NYAP2: variants seen among roughly 807,000 people sequenced by gnomAD.
The protein encoded by NYAP2 is neuronal tyrosine-phosphorylated phosphoinositide-3-kinase adapter 2.
A neutral mutation model predicts 50.4 loss-of-function variants in NYAP2; 23 were observed. The ratio of observed to expected loss-of-function variants is 0.46; its 90% confidence interval spans 0.33 to 0.65. The LOEUF is 0.65. Among genes scored for constraint, NYAP2 ranks in the 30% least tolerant of loss-of-function variants. NYAP2 has a pLI of 0.02. For missense variants in NYAP2, 885 were observed against 861.0 expected, an observed-to-expected ratio of 1.03 and a Z score of -0.35; for synonymous variants, 394 against 365.2, an observed-to-expected ratio of 1.08 and a Z score of -0.90.
intron 4 of NYAP2, among the ~76,000 whole-genome samples, chr2:225,546,397 G>A (rs1358825645): frequency 2.6e-5 from 4 of 152,036 alleles, no homozygotes; most frequent in Admixed American, 2.0e-4. Flanking sequence ...CTCAAACCAT[G>A]AGAGAATGTC....
chr2:225,616,332 C>G (rs1337273244), intron 5 of NYAP2, among the ~76,000 whole-genome samples: 1 of 152,100 alleles, frequency 6.6e-6, no homozygotes, highest in African/African-American at 2.4e-5. Flanking sequence ...AAAATATGCC[C>G]CCGCTCCTCC....
At chr2:225,488,951 C>T (rs1690352691) in intron 3 of NYAP2, among the ~76,000 whole-genome samples, 1 of 152,048 alleles carries the variant, frequency 6.6e-6, no homozygotes, top group Admixed American at 6.5e-5. Flanking sequence ...AGTGTGCCAC[C>T]CAGGTAAGGA....
intron 4 of NYAP2, among the ~76,000 whole-genome samples, chr2:225,552,561 C>T (rs2106210640): frequency 6.7e-6 from 1 of 148,632 alleles, no homozygotes; most frequent in African/African-American, 2.4e-5. Context: ...CTCTCTCTTT[C>T]TCTCTCTCTC....
chr2:225,568,972 G>T (rs531956621), intron 4 of NYAP2, among the ~76,000 whole-genome samples: 4 of 152,340 alleles, frequency 2.6e-5, no homozygotes, highest in African/African-American at 9.6e-5. Context: ...AATGTGCATA[G>T]CACAGGGGAA....
In NYAP2 at chr2:225,562,769, G is replaced by T. The variant is rs116155772; in HGVS notation, c.524-19172G>T. 6.9e-3 allele frequency among the ~76,000 whole-genome samples: 1,050 copies of T among 152,202 alleles called. 8 individuals are homozygous for T. The highest frequency in any genetic ancestry group is 0.024 in the African/African-American group (976 of 41,528). On this transcript the variant is annotated intron_variant, in intron 4 of 6. Coordinates refer to ENST00000636099, the Ensembl canonical transcript of NYAP2. Reference sequence around the variant, plus strand: ...CCTGTTAAGATTAACTTCCTCTCATGTTAGAGCTTTCTACTTGTGCGTTTC... The same window carrying T: ...CCTGTTAAGATTAACTTCCTCTCATTTTAGAGCTTTCTACTTGTGCGTTTC...
chr2:225,581,878 A>C (rs928019307), intron 4 of NYAP2, 63 bp from the exon 5 acceptor site: 2 of 1,480,502 alleles, frequency 1.4e-6, no homozygotes, highest in Non-Finnish European at 1.8e-6. Flanking sequence ...ACCCACATGC[A>C]AATCATTTTT....
chr2:225,573,606 C>A (rs1692114764), intron 4 of NYAP2, among the ~76,000 whole-genome samples: 1 of 152,092 alleles, frequency 6.6e-6, no homozygotes, highest in African/African-American at 2.4e-5. Flanking sequence ...TGGGTGGTTC[C>A]TCTGCTTTAT....
At chr2:225,414,510 C>T (rs779243070) in intron 3 of NYAP2, among the ~76,000 whole-genome samples, 5 of 152,058 alleles carry the variant, frequency 3.3e-5, no homozygotes, top group Non-Finnish European at 7.4e-5. Context: ...TGCAAAATCC[C>T]AGTTTATCAT....
At chr2:225,695,509 T>C in the NYAP2 span, among the ~76,000 whole-genome samples, 2 of 151,846 alleles carry the variant, frequency 1.3e-5, no homozygotes, top group Non-Finnish European at 2.9e-5. Flanking sequence ...TTCTATGATG[T>C]TGGCTTCTAT....
chr2:225,479,314 G>A (rs904688285), intron 3 of NYAP2, among the ~76,000 whole-genome samples: 1 of 152,096 alleles, frequency 6.6e-6, no homozygotes, highest in African/African-American at 2.4e-5. Flanking sequence ...AATCAGGTTA[G>A]TGACTCTTAA....
chr2:225,591,740 T>G (rs1692508996), intron 5 of NYAP2, among the ~76,000 whole-genome samples: 1 of 152,178 alleles, frequency 6.6e-6, no homozygotes, highest in Non-Finnish European at 1.5e-5. Context: ...TTCGATTTAA[T>G]GATACCTTAT....
chr2:225,509,719 T>C (rs2106183022), intron 3 of NYAP2, among the ~76,000 whole-genome samples: 1 of 150,770 alleles, frequency 6.6e-6, no homozygotes, highest in East Asian at 2.0e-4. Flanking sequence ...CTCTGTAGAG[T>C]CCAGAGTTAT....
chr2:225,609,102 A>G (rs192652594), intron 5 of NYAP2, among the ~76,000 whole-genome samples: 1 of 152,252 alleles, frequency 6.6e-6, no homozygotes, highest in African/African-American at 2.4e-5. Flanking sequence ...CAGTCCCTGT[A>G]AGATATGTCA....
chr2:225,626,818 A>G (rs1176505483), intron 5 of NYAP2, 99 bp from the exon 6 acceptor site: 3 of 898,728 alleles, frequency 3.3e-6, no homozygotes, highest in East Asian at 2.6e-5. Context: ...TTCCAACAAC[A>G]TATTGAGACA....
chr2:225,566,063 T>C (rs1691955152), intron 4 of NYAP2, among the ~76,000 whole-genome samples: 1 of 152,216 alleles, frequency 6.6e-6, no homozygotes, highest in Admixed American at 6.5e-5. Context: ...AACTATATTT[T>C]AATGTCTGTA....
At chr2:225,690,171 C>T in the NYAP2 span, among the ~76,000 whole-genome samples, 1 of 152,036 alleles carries the variant, frequency 6.6e-6, no homozygotes, top group Non-Finnish European at 1.5e-5. Flanking sequence ...CCTTTTTAAA[C>T]ATTTAGTGTA....
chr2:225,477,361 C>T (rs995440003), intron 3 of NYAP2, among the ~76,000 whole-genome samples: 5 of 151,518 alleles, frequency 3.3e-5, no homozygotes, highest in African/African-American at 4.9e-5. Flanking sequence ...CTCAGCCTCC[C>T]GAGTAGCTGG....
At chr2:225,457,579 T>G (rs185006025) in intron 3 of NYAP2, among the ~76,000 whole-genome samples, 11 of 152,312 alleles carry the variant, frequency 7.2e-5, no homozygotes, top group African/African-American at 1.7e-4. Flanking sequence ...CAGAGTAACA[T>G]CTTAACCCCT....
At chr2:225,473,317 T>C (rs1283221842) in intron 3 of NYAP2, among the ~76,000 whole-genome samples, 3 of 152,242 alleles carry the variant, frequency 2.0e-5, no homozygotes, top group Admixed American at 2.0e-4. Flanking sequence ...CCTTTGGGTA[T>C]ATACCCAGTA....
Sources: gnomAD v4.1 joint callset for allele counts (sites outside exome capture counted in the v4.1 genomes callset) on GRCh38, gnomAD v4.1.1 for gene constraint, MANE v1.5 for transcripts, NCBI Gene and HGNC (gene_info 2026-07-23, HGNC 2026-07-21) for gene names.